The following BCO1 variants were observed in gnomAD, a reference collection of about 807,000 sequenced individuals.
The protein encoded by BCO1 is beta-carotene oxygenase 1.
In BCO1, 54 loss-of-function variants were observed where a neutral mutation model predicts 56.3. The ratio of observed to expected loss-of-function variants is 0.96; its 90% CI spans 0.77 to 1.20. BCO1 has a LOEUF of 1.20. BCO1 is among the 50% of genes most tolerant of loss of function. The pLI is 0.00. For synonymous variants in BCO1, 318 were observed against 266.1 expected (o/e 1.20, Z -1.90); for missense variants, 801 against 690.9 (o/e 1.16, Z -1.79).
At chr16:81,285,346 C>G (rs1908116465) in intron 8 of BCO1, among the ~76,000 whole-genome samples, 194 bp from the exon 9 acceptor site, 2 of 152,182 alleles carry the variant, frequency 1.3e-5, no homozygotes, top group South Asian at 4.1e-4. Context: ...TCTAATAGAG[C>G]TGGGGTAATT....
At chr16:81,266,585 C>G (rs1256897936) in intron 5 of BCO1, among the ~76,000 whole-genome samples, 1 of 152,012 alleles carries the variant, frequency 6.6e-6, no homozygotes, top group African/African-American at 2.4e-5. Context: ...ATTAATTAAG[C>G]CAGTAAAGGG....
At position 81,259,797 on chromosome 16, in the gene BCO1, A is replaced by G. The variant is rs1473634579; in HGVS notation, c.315A>G (p.Ile105Met). The change falls in exon 3 of 11, where the codon ATA becomes ATG. Residue 105 changes from isoleucine to methionine, a missense_variant. Coordinates refer to ENST00000258168, the MANE Select transcript of BCO1 (RefSeq NM_017429.3). ...TMAYPDPCKNIFSKAFSYLSH... is the reference protein window; with the variant it reads ...TMAYPDPCKNMFSKAFSYLSH... ...CCTATCCGGACCCCTGCAAAAACAT[A>G]TTTTCCAAGTAACTGCCTATTTTAA... The G allele has an allele frequency of 1.2e-6, 2 of 1,614,162 alleles. No individual in the cohort carries two copies. The highest frequency in any genetic ancestry group is 1.7e-5 in the Admixed American group (1 of 60,022).
intron 8 of BCO1, among the ~76,000 whole-genome samples, chr16:81,284,853 T>C (rs1293769799): frequency 6.6e-6 from 1 of 151,060 alleles, no homozygotes; most frequent in Non-Finnish European, 1.5e-5. Context: ...TTTTTTTTTT[T>C]CGAGACAGAG....
Position 81,259,814 on chromosome 16 carries a change from C to G in BCO1, c.323+9C>G. ...AAAAACATATTTTCCAAGTAACTGCCTATTTTAAATCTGAGCAAATTTCAT... is the reference window on the plus strand; with the variant it reads ...AAAAACATATTTTCCAAGTAACTGCGTATTTTAAATCTGAGCAAATTTCAT... On this transcript the variant is annotated intron_variant, in intron 3 of 10. Coordinates refer to ENST00000258168, the MANE Select transcript of BCO1 (RefSeq NM_017429.3). 3 of 1,614,132 alleles carry G rather than the reference C, an allele frequency of 1.9e-6. No individual in the cohort carries two copies. Among genetic ancestry groups the G allele is most frequent in the Non-Finnish European group, 2.5e-6 (3 of 1,179,984 alleles).
At chr16:81,271,960 C>T (rs761325140) in intron 7 of BCO1, among the ~76,000 whole-genome samples, 5 of 151,884 alleles carry the variant, frequency 3.3e-5, no homozygotes, top group African/African-American at 4.8e-5. Context: ...TTGCCCAGGC[C>T]GGTCTTGAAC....
chr16:81,270,261 G>C lies in BCO1; in HGVS notation c.946G>C (p.Asp316His). 2 of 1,614,154 alleles carry C rather than the reference G, an allele frequency of 1.2e-6. No homozygotes were observed. The highest frequency in any genetic ancestry group is 8.5e-7 in the Non-Finnish European group (1 of 1,180,042). The change falls in exon 7 of 11, where the codon GAC becomes CAC. Residue 316 changes from aspartate (D) to histidine (H), a missense_variant. Physicochemically the swap from Asp to His is moderately conservative, Grantham distance 81. Transcript: ENST00000258168. ...CCATCACGTCAACGCCTACGAAGAG[G>C]ACGGCTGCATCGTGTTTGACGTCAT... ...VFHHVNAYEE[D>H]GCIVFDVIAY...
chr16:81,280,847 A>AT lies in BCO1; in HGVS notation c.1102-4dup. On this transcript the variant is annotated splice_polypyrimidine_tract_variant and intron_variant, in intron 7 of 10. Coordinates refer to ENST00000258168, the MANE Select transcript of BCO1 (RefSeq NM_017429.3). The stretch of plus-strand genomic sequence containing the variant: ...TTTTATTTTACTTTTTGAAAACTGA[A>AT]TTTTTTCAGAATGCAGAAGTGGGCA... The AT allele has an allele frequency of 1.9e-6, 3 of 1,604,400 alleles. No homozygotes were observed. Among genetic ancestry groups the AT allele is most frequent in the Non-Finnish European group, 2.6e-6 (3 of 1,171,030 alleles).
chr16:81,254,429 G>A (rs148015769), intron 2 of BCO1, among the ~76,000 whole-genome samples: 318 of 150,166 alleles, frequency 2.1e-3, no homozygotes, highest in African/African-American at 6.4e-3. Context: ...GGGATTACAG[G>A]CATAAGCCAC....
At position 81,267,978 on chromosome 16, in the gene BCO1, G is replaced by T. The variant is rs1370059279; in HGVS notation, c.690G>T (p.Leu230=). ...EVFCSIPSRS[L]LSPSYYHSFG... Reference sequence around the variant, plus strand: ...TCTGCTCCATCCCATCCCGCTCCCTGCTCTCCCCAAGCTACTACCACAGCT... The same window carrying T: ...TCTGCTCCATCCCATCCCGCTCCCTTCTCTCCCCAAGCTACTACCACAGCT... The change falls in exon 6 of 11, where the codon CTG becomes CTT. Residue 230 remains leucine, a synonymous_variant. Coordinates refer to ENST00000258168, the MANE Select transcript of BCO1 (RefSeq NM_017429.3). 2 of 1,613,896 alleles carry T rather than the reference G, an allele frequency of 1.2e-6. No individual in the cohort carries two copies. The highest frequency in any genetic ancestry group is 1.3e-5 in the African/African-American group (1 of 74,974).
intron 5 of BCO1, among the ~76,000 whole-genome samples, 172 bp downstream of exon 5, chr16:81,264,959 G>GAT (rs1240697386): frequency 6.6e-6 from 1 of 152,154 alleles, no homozygotes; most frequent in Non-Finnish European, 1.5e-5. Context: ...GAGATGCTGG[G>GAT]ATTCCTCTTG....
At chr16:81,239,495 G>T (rs534823063) in intron 1 of BCO1, among the ~76,000 whole-genome samples, 1 of 152,170 alleles carries the variant, frequency 6.6e-6, no homozygotes, top group Non-Finnish European at 1.5e-5. Flanking sequence ...CAGTCTCACT[G>T]TTCCCAGGAA....
At chr16:81,256,194 A>G (rs991927051) in intron 2 of BCO1, among the ~76,000 whole-genome samples, 3 of 151,964 alleles carry the variant, frequency 2.0e-5, no homozygotes, top group African/African-American at 4.8e-5. Context: ...ATGAAACCAG[A>G]TAACACACAT....
chr16:81,243,265 C>T (rs1234776799), intron 1 of BCO1, among the ~76,000 whole-genome samples: 1 of 152,112 alleles, frequency 6.6e-6, no homozygotes, highest in Non-Finnish European at 1.5e-5. Flanking sequence ...AATATCTGGT[C>T]CTGTCCTTCC....
At chr16:81,243,055 A>G (rs1054095770) in intron 1 of BCO1, among the ~76,000 whole-genome samples, 5 of 152,136 alleles carry the variant, frequency 3.3e-5, no homozygotes, top group Non-Finnish European at 7.4e-5. Context: ...TCCATAGGAA[A>G]GAAGATGGGT....
rs148747553 is a variant in BCO1 at position 81,255,076 on chromosome 16, C to A, written c.194-4600C>A. Among the ~76,000 whole-genome samples, 941 of 152,346 alleles carry A rather than the reference C, an allele frequency of 6.2e-3. 22 individuals carry two copies. The highest frequency in any genetic ancestry group is 0.028 in the Admixed American group (421 of 15,308). On this transcript the variant is annotated intron_variant, in intron 2 of 10. Transcript: ENST00000258168. ...GGGATTACAGGCATGAGCCATTGCA[C>A]CTGGCCCCAGGTCCTGTTTCTTGAT...
intron 2 of BCO1, among the ~76,000 whole-genome samples, chr16:81,256,887 A>G (rs541490803): frequency 6.6e-6 from 1 of 151,234 alleles, no homozygotes; most frequent in African/African-American, 2.5e-5. Flanking sequence ...CTCCATCTCA[A>G]AAAAAGAAAA....
Position 81,290,900 on chromosome 16 carries a change from G to A in BCO1, c.*323G>A. The A allele has an allele frequency of 3.8e-6, 1 of 260,472 alleles. No individual in the cohort carries two copies. The highest frequency in any genetic ancestry group is 7.2e-5 in the South Asian group (1 of 13,878). 16.1% of individuals were successfully genotyped at this position (260,472 alleles called of 1,614,324 possible). A position where few individuals can be genotyped will look rare whatever the true frequency, so the allele number is the denominator to read the frequency against. ...TTCAATGACATTATCATCATTTTTA[G>A]AACGAGCCACTAACCTATTAGAGAA... On this transcript the variant is annotated 3_prime_UTR_variant, in exon 11 of 11. Coordinates refer to ENST00000258168, the MANE Select transcript of BCO1 (RefSeq NM_017429.3).
chr16:81,273,401 G>A (rs543020174), intron 7 of BCO1, among the ~76,000 whole-genome samples: 49 of 152,218 alleles, frequency 3.2e-4, no homozygotes, highest in Non-Finnish European at 5.3e-4. Context: ...CCTGGCAGAC[G>A]GTCCTACAGT....
At chr16:81,286,862 A>C (rs935791787) in intron 9 of BCO1, among the ~76,000 whole-genome samples, 5 of 151,912 alleles carry the variant, frequency 3.3e-5, no homozygotes, top group African/African-American at 9.7e-5. Context: ...GGATCACCTG[A>C]GGTCAGGAGT....
Sources: allele counts gnomAD v4.1 joint callset (sites outside exome capture counted in the v4.1 genomes callset), GRCh38; gene constraint gnomAD v4.1.1; transcripts MANE v1.5; gene names NCBI Gene and HGNC (gene_info 2026-07-23, HGNC 2026-07-21).